The following TANC1 variants were observed in gnomAD, a reference collection of about 807,000 sequenced individuals.
TANC1 encodes the protein protein TANC1.
A neutral mutation model predicts 149.7 loss-of-function variants in TANC1; 77 were observed. That is an observed-to-expected ratio of 0.51 (90% CI 0.43 to 0.62). The LOEUF (loss-of-function observed/expected upper bound fraction) is 0.62. Ranked by LOEUF, TANC1 falls within the 20% of genes least tolerant of loss-of-function variation. The pLI is 0.00. For missense variants in TANC1, 1,985 were observed against 2,321.8 expected (o/e 0.85, Z 2.98); for synonymous variants, 854 against 925.0 (o/e 0.92, Z 1.39).
chr2:159,222,108 C>T (rs1469759850), intron 22 of TANC1, among the ~76,000 whole-genome samples: 1 of 152,194 alleles, frequency 6.6e-6, no homozygotes, highest in East Asian at 1.9e-4. Flanking sequence ...AACTCTACTT[C>T]ATGTCAGTTT....
At chr2:159,215,309 G>A (rs2059273618) in intron 19 of TANC1, among the ~76,000 whole-genome samples, 1 of 152,234 alleles carries the variant, frequency 6.6e-6, no homozygotes, top group African/African-American at 2.4e-5. Context: ...GAGGTTGCCA[G>A]CCACACTGCA....
At chr2:159,106,763 G>A (rs1224701206) in intron 4 of TANC1, among the ~76,000 whole-genome samples, 3 of 152,160 alleles carry the variant, frequency 2.0e-5, no homozygotes, top group Admixed American at 6.5e-5. Flanking sequence ...TTAAGTGGCT[G>A]TACTATTTTA....
rs555502309 is a variant in TANC1 at position 159,108,536 on chromosome 2, C to A, written c.259+10702C>A. On this transcript the variant is annotated intron_variant, in intron 4 of 26. Transcript: ENST00000263635. ...CCTTGGTGGTGGAGATCTTTTTCAT[C>A]ATTTCTGATTTACAGAGAAACAGAA... Among the ~76,000 whole-genome samples the A allele has an allele frequency of 2.6e-5, 4 of 152,298 alleles. No individual in the cohort carries two copies. In the South Asian group the frequency reaches 8.3e-4, roughly 32 times the overall value.
chr2:159,210,280 G>A (rs2058896525), intron 19 of TANC1, among the ~76,000 whole-genome samples: 1 of 152,170 alleles, frequency 6.6e-6, no homozygotes, highest in Admixed American at 6.5e-5. Flanking sequence ...AATGTGGGTG[G>A]GAATACAGAC....
Position 159,055,864 on chromosome 2 carries a change from A to T in TANC1, c.-15-10032A>T, listed in dbSNP as rs191162306. The T allele has an allele frequency of 2.3e-4, 38 of 164,694 alleles. No homozygotes were observed. The East Asian group carries it at 4.8e-3, about 21-fold the overall frequency. The allele number at this position is 164,694 out of a possible 1,614,324, so 10.2% of individuals were successfully genotyped here. Reference sequence around the variant, plus strand: ...TGAGAGTCAGAGAAGGGAATTGCACAGCATAGCTTATTTATTTATTTATTT... The same window carrying T: ...TGAGAGTCAGAGAAGGGAATTGCACTGCATAGCTTATTTATTTATTTATTT... On this transcript the variant is annotated intron_variant, in intron 2 of 26. Transcript: ENST00000263635.
rs200517486 is a variant in TANC1 at position 159,136,190 on chromosome 2, A to G, written c.260-4A>G. ...TAGCCACACTCAGATCTTTCCCACT[A>G]CAGGTCCCGTCAGGAAGCCCAAGTA... On this transcript the variant is annotated splice_region_variant and splice_polypyrimidine_tract_variant and intron_variant, in intron 4 of 26. Transcript: ENST00000263635. The G allele has an allele frequency of 1.9e-6, 3 of 1,572,012 alleles. No individual in the cohort carries two copies. Among genetic ancestry groups the G allele is most frequent in the South Asian group, 1.1e-5 (1 of 90,224 alleles).
At chr2:159,101,734 A>T (rs1177393397) in intron 4 of TANC1, among the ~76,000 whole-genome samples, 1 of 152,162 alleles carries the variant, frequency 6.6e-6, no homozygotes, top group East Asian at 1.9e-4. Context: ...CCTGTGATTT[A>T]TTAGTAATAT....
chr2:159,022,417 GTTCTA>G (rs1156307705), intron 2 of TANC1, among the ~76,000 whole-genome samples: 1 of 152,120 alleles, frequency 6.6e-6, no homozygotes, highest in African/African-American at 2.4e-5. Flanking sequence ...TTGTTCCGGG[GTTCTA>G]TTCATAAGAA....
At chr2:159,164,280 T>A (rs2054354754) in intron 8 of TANC1, among the ~76,000 whole-genome samples, 1 of 152,164 alleles carries the variant, frequency 6.6e-6, no homozygotes, top group African/African-American at 2.4e-5. Context: ...CGATAAAAAA[T>A]AATAAGAATT....
intron 4 of TANC1, among the ~76,000 whole-genome samples, chr2:159,119,923 G>GATGAGCA (rs1309933523): frequency 6.6e-6 from 1 of 152,216 alleles, no homozygotes; most frequent in Non-Finnish European, 1.5e-5. Context: ...GCTTGCCAGT[G>GATGAGCA]TGAGCTCATC....
chr2:159,139,993 C>A (rs2051183779), intron 5 of TANC1, among the ~76,000 whole-genome samples: 3 of 152,006 alleles, frequency 2.0e-5, no homozygotes, highest in Admixed American at 2.0e-4. Flanking sequence ...GAGGCCAAGG[C>A]AGGAGAATTG....
At chr2:159,150,744 T>G (rs2052702941) in intron 7 of TANC1, 188 bp downstream of exon 7, 1 of 556,820 alleles carries the variant, frequency 1.8e-6, no homozygotes, top group African/African-American at 1.9e-5. Context: ...TTACATTCCT[T>G]GATGTTTACT....
At chr2:159,003,797 C>T (rs1364339448) in intron 2 of TANC1, among the ~76,000 whole-genome samples, 1 of 152,162 alleles carries the variant, frequency 6.6e-6, no homozygotes, top group Non-Finnish European at 1.5e-5. Flanking sequence ...TTGCTCTTGC[C>T]GCGTGCTGGT....
At chr2:159,201,824 A>G (rs2058269215) in intron 19 of TANC1, among the ~76,000 whole-genome samples, 1 of 152,234 alleles carries the variant, frequency 6.6e-6, no homozygotes, top group African/African-American at 2.4e-5. Flanking sequence ...GCTTGGCTTT[A>G]AAATGCTAGC....
chr2:159,087,875 A>G (rs2045101070), intron 3 of TANC1, among the ~76,000 whole-genome samples: 1 of 148,530 alleles, frequency 6.7e-6, no homozygotes. Flanking sequence ...CTAATCTAGT[A>G]TGACTGTTGT....
chr2:158,973,267 A>G (rs1391399920), intron 1 of TANC1, among the ~76,000 whole-genome samples: 3 of 152,186 alleles, frequency 2.0e-5, no homozygotes, highest in Non-Finnish European at 2.9e-5. Flanking sequence ...CCAGAGCCAC[A>G]GTGACTCAAC....
chr2:159,204,272 G>T (rs999123977), intron 19 of TANC1, among the ~76,000 whole-genome samples: 8 of 152,114 alleles, frequency 5.3e-5, no homozygotes, highest in Non-Finnish European at 1.2e-4. Context: ...GTGGTTGGAG[G>T]GGGAGCAGTA....
chr2:159,068,497 C>A (rs949798147), intron 3 of TANC1, among the ~76,000 whole-genome samples: 1 of 152,120 alleles, frequency 6.6e-6, no homozygotes, highest in Non-Finnish European at 1.5e-5. Flanking sequence ...CAATCTTTTA[C>A]TACACTTTTA....
intron 4 of TANC1, among the ~76,000 whole-genome samples, chr2:159,122,919 GT>G (rs2150105882): frequency 6.6e-6 from 1 of 152,250 alleles, no homozygotes; most frequent in African/African-American, 2.4e-5. Context: ...AAGGTGTGCA[GT>G]GGTAGCTCAT....
Sources: allele counts gnomAD v4.1 joint callset (sites outside exome capture counted in the v4.1 genomes callset), GRCh38; gene constraint gnomAD v4.1.1; transcripts MANE v1.5; gene names NCBI Gene and HGNC (gene_info 2026-07-23, HGNC 2026-07-21).